ANKRD10: variants seen among roughly 807,000 people sequenced by gnomAD.
The protein encoded by ANKRD10 is ankyrin repeat domain 10.
In ANKRD10, 14 loss-of-function variants were observed where a neutral mutation model predicts 27.0. That is an observed-to-expected ratio of 0.52 (90% confidence interval 0.34 to 0.81). ANKRD10 has a LOEUF of 0.81. Ranked by LOEUF, ANKRD10 falls within the 40% of genes least tolerant of loss-of-function variation. ANKRD10 has a pLI of 0.01. For missense variants in ANKRD10, 493 were observed against 544.0 expected (o/e 0.91, Z 0.93); for synonymous variants, 250 against 224.5 (o/e 1.11, Z -1.01).
chr13:110,891,624 A>G (rs1374709313), intron 4 of ANKRD10, among the ~76,000 whole-genome samples: 1 of 152,184 alleles, frequency 6.6e-6, no homozygotes, highest in Non-Finnish European at 1.5e-5. Flanking sequence ...ATAAGGTAGA[A>G]AAGATGATGT....
Position 110,882,159 on chromosome 13 carries a change from C to T in ANKRD10, c.787+1539G>A, listed in dbSNP as rs552548721. On this transcript the variant is annotated intron_variant, in intron 5 of 5. Transcript: ENST00000267339. ...CAGGGGTGGGGACACTTGACCCTCC[C>T]GAGTCTCAAACTAGGGGCATTTAAA... is the stretch of plus-strand genomic sequence containing the variant. Among the ~76,000 whole-genome samples, 15 of 152,232 alleles carry T rather than the reference C, an allele frequency of 9.9e-5. No individual in the cohort carries two copies. The East Asian group carries it at 1.4e-3, about 14-fold the overall frequency.
At chr13:110,883,872 T>A in intron 4 of ANKRD10, 79 bp from the exon 5 acceptor site, 1 of 1,525,684 alleles carries the variant, frequency 6.6e-7, no homozygotes, top group East Asian at 2.4e-5. Context: ...TTACATTATT[T>A]TGTGTGAGCA....
chr13:110,890,208 A>G (rs990203439), intron 4 of ANKRD10, among the ~76,000 whole-genome samples: 1 of 152,242 alleles, frequency 6.6e-6, no homozygotes, highest in Non-Finnish European at 1.5e-5. Flanking sequence ...AAAACTGGTC[A>G]GTTAATATGG....
intron 1 of ANKRD10, among the ~76,000 whole-genome samples, chr13:110,913,841 T>C (rs941521543): frequency 6.6e-6 from 1 of 152,284 alleles, no homozygotes; most frequent in African/African-American, 2.4e-5. Flanking sequence ...CACGGTGAAA[T>C]CTTATTTAAG....
chr13:110,910,568 TGCAAAAAGAAAAA>T (rs776095441), intron 2 of ANKRD10, 37 bp downstream of exon 2: 1 of 1,606,142 alleles, frequency 6.2e-7, no homozygotes, highest in Non-Finnish European at 8.5e-7. Context: ...TAATTATAAC[TGCAAAAAGAAAAA>T]GCAAAAGCAA....
intron 3 of ANKRD10, among the ~76,000 whole-genome samples, chr13:110,905,690 A>T (rs2065511670): frequency 6.6e-6 from 1 of 152,258 alleles, no homozygotes; most frequent in African/African-American, 2.4e-5. Flanking sequence ...AAAATTAGGC[A>T]AAGAAAAGTT....
intron 3 of ANKRD10, among the ~76,000 whole-genome samples, chr13:110,895,768 T>C (rs1203282183): frequency 6.6e-6 from 1 of 152,154 alleles, no homozygotes; most frequent in Non-Finnish European, 1.5e-5. Context: ...TCCAAAGAAA[T>C]ATAACCTTAT....
At chr13:110,914,159 C>G (rs938038900) in intron 1 of ANKRD10, among the ~76,000 whole-genome samples, 5 of 152,208 alleles carry the variant, frequency 3.3e-5, no homozygotes, top group African/African-American at 1.2e-4. Context: ...CCAGTCCCGC[C>G]GGGGCGCTTG....
chr13:110,913,622 AG>A (rs1257013103), intron 1 of ANKRD10, among the ~76,000 whole-genome samples: 1 of 152,220 alleles, frequency 6.6e-6, no homozygotes, highest in African/African-American at 2.4e-5. Context: ...ATGTAGCACC[AG>A]GGGCAGCAAG....
At chr13:110,914,525 C>T (rs1001056930) in intron 1 of ANKRD10, 200 bp downstream of exon 1, 4 of 630,306 alleles carry the variant, frequency 6.3e-6, no homozygotes, top group South Asian at 1.6e-4. Flanking sequence ...CCGCCCCGCG[C>T]CCCCCGGCTG....
chr13:110,914,633 G>A (rs1338329839), intron 1 of ANKRD10, 92 bp downstream of exon 1: 5 of 1,443,738 alleles, frequency 3.5e-6, no homozygotes, highest in Non-Finnish European at 3.7e-6. Flanking sequence ...CGCGATCCCG[G>A]CACGCCCCAC....
chr13:110,901,069 T>TA (rs1410774981), intron 3 of ANKRD10, among the ~76,000 whole-genome samples: 1 of 152,124 alleles, frequency 6.6e-6, no homozygotes, highest in Non-Finnish European at 1.5e-5. Flanking sequence ...AATACATTAG[T>TA]AACTATTCCT....
At chr13:110,914,462 C>G (rs2065824248) in intron 1 of ANKRD10, 1 of 312,602 alleles carries the variant, frequency 3.2e-6, no homozygotes, top group African/African-American at 2.2e-5. Context: ...CTACGCGCGC[C>G]GCCGCACATG....
In ANKRD10 at chr13:110,893,198, G is replaced by C; in HGVS notation, c.521C>G (p.Ala174Gly). The C allele has an allele frequency of 3.1e-6, 5 of 1,614,128 alleles. No individual in the cohort carries two copies. Among genetic ancestry groups the C allele is most frequent in the Non-Finnish European group, 4.2e-6 (5 of 1,180,010 alleles). Residue 174 changes from alanine (A) to glycine (G), a missense_variant, in exon 4 of 6, where the codon GCC becomes GGC. Ala to Gly is a moderately conservative substitution (Grantham distance 60). Transcript: ENST00000267339. ...ATTCTGGAGGTTCAAGAGAAACTGG[G>C]CACACTCTTGGAAACCCTGGGTTTG... ...IAQTQGFQEC[A>G]QFLLNLQNCH... is the part of the protein sequence containing the mutation.
chr13:110,885,664 C>G (rs1238535725), intron 4 of ANKRD10, among the ~76,000 whole-genome samples: 2 of 152,148 alleles, frequency 1.3e-5, no homozygotes, highest in African/African-American at 4.8e-5. Context: ...CTTCATGGCA[C>G]GCAGACACAG....
At chr13:110,891,402 T>A (rs1164039837) in intron 4 of ANKRD10, among the ~76,000 whole-genome samples, 2 of 152,248 alleles carry the variant, frequency 1.3e-5, no homozygotes, top group Non-Finnish European at 2.9e-5. Context: ...TTTATGCAGA[T>A]CTTCATGTCA....
At chr13:110,891,871 C>CTTTTTTT (rs10553815) in intron 4 of ANKRD10, among the ~76,000 whole-genome samples, 15 of 121,238 alleles carry the variant, frequency 1.2e-4, no homozygotes, top group Admixed American at 4.5e-4. Flanking sequence ...CTTATTAAGA[C>CTTTTTTT]TTTTTTTTTT....
chr13:110,898,750 CTTTTTTTT>C (rs56176208), intron 3 of ANKRD10, among the ~76,000 whole-genome samples: 2 of 106,558 alleles, frequency 1.9e-5, no homozygotes, highest in Non-Finnish European at 1.9e-5. Context: ...TTTTTCTTTT[CTTTTTTTT>C]TTTTTTTTTT....
chr13:110,911,123 A>T (rs896970470), intron 1 of ANKRD10, among the ~76,000 whole-genome samples: 1 of 152,240 alleles, frequency 6.6e-6, no homozygotes, highest in African/African-American at 2.4e-5. Flanking sequence ...AGACTATTCT[A>T]AACAAAAACG....
Sources: gnomAD v4.1 joint callset for allele counts (sites outside exome capture counted in the v4.1 genomes callset) on GRCh38, gnomAD v4.1.1 for gene constraint, MANE v1.5 for transcripts, NCBI Gene and HGNC (gene_info 2026-07-23, HGNC 2026-07-21) for gene names.